Variants in ECPAS observed in about 807,000 individuals in gnomAD.
ECPAS encodes the protein proteasome adapter and scaffold protein ECM29.
A neutral mutation model predicts 255.1 loss-of-function variants in ECPAS; 70 were observed. That is an observed-to-expected ratio of 0.27 (90% CI 0.23 to 0.33). The LOEUF is 0.33. Ranked by LOEUF, ECPAS falls within the 10% of genes least tolerant of loss-of-function variation. The pLI is 1.00. For synonymous variants in ECPAS, 784 were observed against 775.0 expected (o/e 1.01, Z -0.19); for missense variants, 1,817 against 2,206.4 (o/e 0.82, Z 3.54).
At position 111,451,420 on chromosome 9, in the gene ECPAS, C is replaced by T; in HGVS notation, c.153+5G>A. On this transcript the variant is annotated splice_donor_5th_base_variant and intron_variant, in intron 3 of 49. Coordinates refer to ENST00000684092, the MANE Select transcript of ECPAS (RefSeq NM_001364929.1). ...TAATTCCCCCAGCTGTCCCAACATG[C>T]TTACCTTTTTACGTACTCCTTCTTG... 1 of 1,567,334 alleles carries T rather than the reference C, an allele frequency of 6.4e-7. No homozygotes were observed. The highest frequency in any genetic ancestry group is 8.7e-7 in the Non-Finnish European group (1 of 1,155,520).
At chr9:111,367,597 A>C (rs958226996) in intron 46 of ECPAS, among the ~76,000 whole-genome samples, 6 of 152,170 alleles carry the variant, frequency 3.9e-5, no homozygotes, top group African/African-American at 1.4e-4. Flanking sequence ...TTAAGAAATA[A>C]AACCACCTGC....
chr9:111,400,053 A>G (rs538253874), intron 24 of ECPAS, among the ~76,000 whole-genome samples: 32 of 152,326 alleles, frequency 2.1e-4, no homozygotes, highest in African/African-American at 7.5e-4. Flanking sequence ...CTTATTGTGG[A>G]GAGACACTCC....
intron 7 of ECPAS, among the ~76,000 whole-genome samples, chr9:111,434,585 C>CTT (rs34507397): frequency 5.3e-4 from 58 of 109,256 alleles, no homozygotes; most frequent in East Asian, 1.2e-3. Flanking sequence ...TTCCAGTTAA[C>CTT]TTTTTTTTTT....
intron 2 of ECPAS, 41 bp downstream of exon 2, chr9:111,472,856 C>CA (rs750039793): frequency 1.7e-4 from 115 of 690,344 alleles, no homozygotes; most frequent in South Asian, 9.3e-4. Context: ...AATGCTGCTA[C>CA]AAAAAAAATG....
At chr9:111,379,272 A>C (rs962425033) in intron 35 of ECPAS, among the ~76,000 whole-genome samples, 1 of 152,228 alleles carries the variant, frequency 6.6e-6, no homozygotes, top group Non-Finnish European at 1.5e-5. Context: ...GTTCCAGACC[A>C]CCATAATAAA....
At chr9:111,367,644 T>C (rs913688177) in intron 46 of ECPAS, among the ~76,000 whole-genome samples, 3 of 152,074 alleles carry the variant, frequency 2.0e-5, no homozygotes, top group Non-Finnish European at 4.4e-5. Flanking sequence ...CCTATAAACA[T>C]AGCAAATATA....
At chr9:111,391,606 C>A in intron 29 of ECPAS, 150 bp downstream of exon 29, 23 of 485,932 alleles carry the variant, frequency 4.7e-5, no homozygotes, top group Non-Finnish European at 7.3e-5. Context: ...AGACATCAGA[C>A]TTTTTTCCAT....
In ECPAS at chr9:111,414,671, G is replaced by A. The variant is rs746886934; in HGVS notation, c.1765-20C>T. On this transcript the variant is annotated intron_variant, in intron 18 of 49. Coordinates refer to ENST00000684092, the MANE Select transcript of ECPAS (RefSeq NM_001364929.1). Reference sequence around the variant, plus strand: ...AACGATCTACAAACAGAACGGAGAGGAAGACTGCATAAGCTTCTCGAAAAG... The same window carrying A: ...AACGATCTACAAACAGAACGGAGAGAAAGACTGCATAAGCTTCTCGAAAAG... 13 of 1,594,048 alleles carry A rather than the reference G, an allele frequency of 8.2e-6. No individual in the cohort carries two copies. The highest frequency in any genetic ancestry group is 1.0e-5 in the Non-Finnish European group (12 of 1,166,798).
intron 2 of ECPAS, among the ~76,000 whole-genome samples, chr9:111,463,091 C>A (rs2132029754): frequency 6.6e-6 from 1 of 152,262 alleles, no homozygotes; most frequent in Middle Eastern, 3.4e-3. Flanking sequence ...ATAATAACCC[C>A]CAAATTTCCA....
In ECPAS at chr9:111,369,382, T is replaced by C. The variant is rs2098124632; in HGVS notation, c.4975-209A>G. On this transcript the variant is annotated intron_variant, in intron 45 of 49. Transcript: ENST00000684092. ...AAATTTAGGCAATACTTTACAGGCA[T>C]CTGTAAACAAAAGCTAAAAAATACT... Among the ~76,000 whole-genome samples the C allele has an allele frequency of 2.0e-5, 3 of 152,192 alleles. No homozygotes were observed. In the South Asian group the frequency reaches 6.2e-4, roughly 32 times the overall value.
In ECPAS at chr9:111,428,840, A is replaced by C. The variant is rs148123850; in HGVS notation, c.931-679T>G. ...TATACTATATTCCACTGGTTATCTT[A>C]CTCTGAATGGCTCCCTTGTCCTTAT... On this transcript the variant is annotated intron_variant, in intron 9 of 49. Coordinates refer to ENST00000684092, the MANE Select transcript of ECPAS (RefSeq NM_001364929.1). 9.7e-4 allele frequency among the ~76,000 whole-genome samples: 148 copies of C among 152,248 alleles called. 4 individuals are homozygous for C. The East Asian group carries it at 0.024, about 25-fold the overall frequency.
intron 49 of ECPAS, among the ~76,000 whole-genome samples, chr9:111,362,558 A>T (rs1589101762): frequency 6.6e-6 from 1 of 152,168 alleles, no homozygotes; most frequent in East Asian, 1.9e-4. Flanking sequence ...TCAGTTAAAA[A>T]AAAAAAACTT....
At chr9:111,414,929 G>A (rs2098200851) in intron 18 of ECPAS, among the ~76,000 whole-genome samples, 1 of 152,124 alleles carries the variant, frequency 6.6e-6, no homozygotes, top group Non-Finnish European at 1.5e-5. Context: ...AACTAACGCA[G>A]GAACAGAAAA....
intron 33 of ECPAS, 120 bp downstream of exon 33, chr9:111,385,217 G>A: frequency 1.6e-6 from 1 of 606,356 alleles, no homozygotes; most frequent in Non-Finnish European, 2.9e-6. Context: ...AAACTTTGGG[G>A]GAAAACGTTG....
chr9:111,418,957 G>A (rs1268188553), intron 16 of ECPAS, among the ~76,000 whole-genome samples: 1 of 152,190 alleles, frequency 6.6e-6, no homozygotes, highest in Admixed American at 6.5e-5. Flanking sequence ...ATGAGAAGCA[G>A]CAGCCAAGAT....
At chr9:111,387,846 A>T (rs1014798598) in intron 31 of ECPAS, among the ~76,000 whole-genome samples, 13 of 151,972 alleles carry the variant, frequency 8.6e-5, no homozygotes, top group Admixed American at 7.9e-4. Context: ...CAGTGCAGTT[A>T]TTGAGGGACA....
chr9:111,372,371 TA>T, intron 42 of ECPAS, 57 bp downstream of exon 42: 6 of 1,486,402 alleles, frequency 4.0e-6, no homozygotes, highest in African/African-American at 1.4e-5. Context: ...CGAATGCAAG[TA>T]AAAAATTCTA....
At chr9:111,393,807 G>A (rs569050695) in intron 26 of ECPAS, 73 bp from the exon 27 acceptor site, 20 of 1,089,740 alleles carry the variant, frequency 1.8e-5, no homozygotes, top group African/African-American at 3.2e-5. Context: ...TGCTCTCACC[G>A]TGTACAAAAT....
intron 31 of ECPAS, among the ~76,000 whole-genome samples, chr9:111,386,740 G>A (rs2098149250): frequency 6.6e-6 from 1 of 152,170 alleles, no homozygotes; most frequent in African/African-American, 2.4e-5. Flanking sequence ...AGCCTTCCAT[G>A]ACTCATCCAG....
Sources: gnomAD v4.1 joint callset for allele counts (sites outside exome capture counted in the v4.1 genomes callset) on GRCh38, gnomAD v4.1.1 for gene constraint, MANE v1.5 for transcripts, NCBI Gene and HGNC (gene_info 2026-07-23, HGNC 2026-07-21) for gene names.